Variants in WDR25 observed in about 807,000 individuals in gnomAD.
WDR25 encodes the protein WD repeat domain 25.
A neutral mutation model predicts 47.7 loss-of-function variants in WDR25; 35 were observed. The observed-to-expected ratio is 0.73, with a 90% CI of 0.56 to 0.97. The LOEUF (loss-of-function observed/expected upper bound fraction) is 0.97. WDR25 is among the 50% of genes least tolerant of loss of function. The probability of loss-of-function intolerance (pLI) is 0.00; values close to 1 mark genes in which losing one functional copy is unlikely to be tolerated. For missense variants in WDR25, 634 were observed against 704.7 expected (o/e 0.90, Z 1.14); for synonymous variants, 248 against 278.9 (o/e 0.89, Z 1.10).
In WDR25 at chr14:100,493,800, C is replaced by T. The variant is rs1171233328; in HGVS notation, c.1101+9676C>T. On this transcript the variant is annotated intron_variant, in intron 4 of 6. Coordinates refer to ENST00000402312, the MANE Select transcript of WDR25 (RefSeq NM_001161476.3). ...TCCCTAATGTGATGATATTAGGAGG[C>T]GGAGTCATTGGGTGGTAATTAGGAC... Among the ~76,000 whole-genome samples the T allele has an allele frequency of 2.6e-5, 4 of 152,102 alleles. No individual in the cohort carries two copies. In the South Asian group the frequency reaches 6.2e-4, roughly 24 times the overall value.
In WDR25 at chr14:100,440,078, C is replaced by T. The variant is rs751095311; in HGVS notation, c.823-27943C>T. Among the ~76,000 whole-genome samples, 13 of 152,214 alleles carry T rather than the reference C, an allele frequency of 8.5e-5. No homozygotes were observed. The highest frequency in any genetic ancestry group is 1.5e-4 in the Non-Finnish European group (10 of 68,040). On this transcript the variant is annotated intron_variant, in intron 2 of 6. Transcript: ENST00000402312. This position sits in a 1 kb window ranked among gnomAD's most constrained non-coding sequence, Gnocchi z 4.4. ...TGAGCGTCCCTAAAAGCAGCATAGT[C>T]ATTTTCGAGTCACTCTCTGATAAAG...
At chr14:100,516,628 C>T (rs1384529265) in intron 4 of WDR25, among the ~76,000 whole-genome samples, 3 of 152,132 alleles carry the variant, frequency 2.0e-5, no homozygotes, top group South Asian at 2.1e-4. Flanking sequence ...TCCTCTTATT[C>T]CTGGCGGTTT....
intron 4 of WDR25, among the ~76,000 whole-genome samples, chr14:100,514,532 G>T (rs1021611216): frequency 6.6e-6 from 1 of 151,360 alleles, no homozygotes; most frequent in African/African-American, 2.4e-5. Flanking sequence ...ATCATCTGTG[G>T]CATTGTGCTG....
chr14:100,519,401 A>G (rs1041987562), intron 4 of WDR25, among the ~76,000 whole-genome samples: 16 of 151,906 alleles, frequency 1.1e-4, no homozygotes, highest in African/African-American at 3.4e-4. Flanking sequence ...TATGTCTTCT[A>G]GTTTACTAAC....
At chr14:100,413,846 A>G (rs1342722764) in intron 2 of WDR25, among the ~76,000 whole-genome samples, 1 of 152,224 alleles carries the variant, frequency 6.6e-6, no homozygotes, top group Non-Finnish European at 1.5e-5. Flanking sequence ...TTCACTTAAC[A>G]GAATGTTTTT....
intron 2 of WDR25, among the ~76,000 whole-genome samples, chr14:100,452,842 G>A (rs1193117375): frequency 1.3e-5 from 2 of 152,232 alleles, no homozygotes; most frequent in Non-Finnish European, 2.9e-5. Flanking sequence ...TACATAAAAT[G>A]TACCATCTTA....
intron 4 of WDR25, chr14:100,487,438 C>G (rs1595138970): frequency 6.6e-6 from 1 of 152,382 alleles, no homozygotes; most frequent in South Asian, 2.1e-4. Flanking sequence ...TATGTATCAT[C>G]TGTGGCTGCT....
At chr14:100,432,647 A>G (rs528073817) in intron 2 of WDR25, among the ~76,000 whole-genome samples, 2 of 152,390 alleles carry the variant, frequency 1.3e-5, no homozygotes, top group South Asian at 4.1e-4. Context: ...ATGTAAGAGT[A>G]AGACTGATAG....
chr14:100,448,448 C>T (rs1329371262), intron 2 of WDR25, among the ~76,000 whole-genome samples: 3 of 152,138 alleles, frequency 2.0e-5, no homozygotes, highest in South Asian at 2.1e-4. Flanking sequence ...AGGTGAGAAG[C>T]GCCCCAGAAA....
At chr14:100,469,328 TA>T (rs764557976) in intron 3 of WDR25, among the ~76,000 whole-genome samples, 5 of 152,176 alleles carry the variant, frequency 3.3e-5, no homozygotes, top group Non-Finnish European at 5.9e-5. Context: ...GCATGCTCAG[TA>T]GGGGAGGGGA....
In WDR25 at chr14:100,428,458, C is replaced by T. The variant is rs1174726149; in HGVS notation, c.823-39563C>T. Among the ~76,000 whole-genome samples the T allele has an allele frequency of 6.6e-6, 1 of 152,194 alleles. No individual in the cohort carries two copies. The highest frequency in any genetic ancestry group is 2.4e-5 in the African/African-American group (1 of 41,440). On this transcript the variant is annotated intron_variant, in intron 2 of 6. Coordinates refer to ENST00000402312, the MANE Select transcript of WDR25 (RefSeq NM_001161476.3). The surrounding 1 kb of genome is among the most constrained non-coding windows in gnomAD (Gnocchi z 4.3). ...GGCAGCCATTTTAGCCTTTCTGGGC[C>T]TCAGCGTCCTCCTCTGTGGATGGGG...
At chr14:100,524,365 A>G (rs573954291) in intron 4 of WDR25, among the ~76,000 whole-genome samples, 1 of 152,242 alleles carries the variant, frequency 6.6e-6, no homozygotes, top group Admixed American at 6.5e-5. Flanking sequence ...CATCTTCCTC[A>G]TCCTTTCCCT....
chr14:100,509,973 A>G (rs911409070), intron 4 of WDR25, among the ~76,000 whole-genome samples: 3 of 150,326 alleles, frequency 2.0e-5, no homozygotes, highest in African/African-American at 7.5e-5. Context: ...TTTTTTAATT[A>G]AAAAAATTTT....
In WDR25 at chr14:100,529,796, C is replaced by T. The variant is rs1281953302; in HGVS notation, c.1414-24C>T. 6.2e-7 allele frequency: 1 copy of T among 1,605,484 alleles called. No individual in the cohort carries two copies. The highest frequency in any genetic ancestry group is 1.3e-5 in the African/African-American group (1 of 74,816). ...CCCGGCTTGACAGGTGCGGCTTGCT[C>T]ACCCACTGTGTCCCTCTCTGCAGGT... On this transcript the variant is annotated intron_variant, in intron 6 of 6. Coordinates refer to ENST00000402312, the MANE Select transcript of WDR25 (RefSeq NM_001161476.3). The surrounding 1 kb of genome is among the most constrained non-coding windows in gnomAD (Gnocchi z 5.1).
At chr14:100,416,664 G>A (rs1198702322) in intron 2 of WDR25, among the ~76,000 whole-genome samples, 3 of 152,156 alleles carry the variant, frequency 2.0e-5, no homozygotes, top group Admixed American at 2.0e-4. Flanking sequence ...CTTGTCTCCA[G>A]ACTGCATAAA....
chr14:100,452,157 G>A (rs973760373), intron 2 of WDR25, among the ~76,000 whole-genome samples: 5 of 151,084 alleles, frequency 3.3e-5, no homozygotes, highest in East Asian at 3.9e-4. Flanking sequence ...CATCCATTCC[G>A]TTCTGTTCCA....
At chr14:100,423,698 T>C (rs1214663638) in intron 2 of WDR25, among the ~76,000 whole-genome samples, 4 of 152,218 alleles carry the variant, frequency 2.6e-5, no homozygotes, top group Admixed American at 1.3e-4. Flanking sequence ...CTGAACACTA[T>C]TTGCAGCGTG....
intron 2 of WDR25, among the ~76,000 whole-genome samples, chr14:100,416,645 C>T (rs1177558507): frequency 6.6e-6 from 1 of 152,180 alleles, no homozygotes; most frequent in Admixed American, 6.5e-5. Flanking sequence ...CTTGAGGTTG[C>T]CTTTCTCCCT....
At position 100,484,191 on chromosome 14, in the gene WDR25, G is replaced by A. The variant is rs1203885268; in HGVS notation, c.1101+67G>A. The stretch of plus-strand genomic sequence containing the variant: ...TTGTTTCGACAATTTGAATAATTGG[G>A]GGCAGGTCAGCATCTATATATAGGA... On this transcript the variant is annotated intron_variant, in intron 4 of 6. Coordinates refer to ENST00000402312, the MANE Select transcript of WDR25 (RefSeq NM_001161476.3). 5 of 1,551,824 alleles carry A rather than the reference G, an allele frequency of 3.2e-6. No homozygotes were observed. In the East Asian group the frequency reaches 6.8e-5, roughly 21 times the overall value.
Sources: gnomAD v4.1 joint callset for allele counts (sites outside exome capture counted in the v4.1 genomes callset) on GRCh38, gnomAD v4.1.1 for gene constraint, Gnocchi (gnomAD v3.1) non-coding constraint, MANE v1.5 for transcripts, NCBI Gene and HGNC (gene_info 2026-07-23, HGNC 2026-07-21) for gene names.